Variants in ARHGAP24 observed in about 807,000 individuals in gnomAD.
ARHGAP24 encodes the protein Rho GTPase activating protein 24, also known as rho GTPase-activating protein 24.
In ARHGAP24, 50 loss-of-function variants were observed where a neutral mutation model predicts 76.4. That is an observed-to-expected ratio of 0.65 (90% confidence interval 0.52 to 0.83). The LOEUF is 0.83. Among genes scored for constraint, ARHGAP24 ranks in the 40% least tolerant of loss-of-function variants. ARHGAP24 has a pLI of 0.00. For missense variants in ARHGAP24, 930 were observed against 914.2 expected (o/e 1.02, Z -0.22); for synonymous variants, 345 against 323.3 (o/e 1.07, Z -0.72).
chr4:85,628,253 T>A (rs1230959563), intron 2 of ARHGAP24, among the ~76,000 whole-genome samples: 1 of 152,178 alleles, frequency 6.6e-6, no homozygotes, highest in African/African-American at 2.4e-5. Flanking sequence ...TATTGATTGT[T>A]CAGGAGCATG....
At chr4:85,800,112 G>A (rs1728516254) in intron 3 of ARHGAP24, among the ~76,000 whole-genome samples, 1 of 152,192 alleles carries the variant, frequency 6.6e-6, no homozygotes, top group Non-Finnish European at 1.5e-5. Flanking sequence ...TTATAATACT[G>A]TACCAAAATT....
intron 3 of ARHGAP24, among the ~76,000 whole-genome samples, chr4:85,761,279 C>T (rs922221944): frequency 6.6e-6 from 1 of 152,156 alleles, no homozygotes; most frequent in African/African-American, 2.4e-5. Flanking sequence ...ATCAGTGCAG[C>T]CAAGATATTT....
intron 1 of ARHGAP24, among the ~76,000 whole-genome samples, chr4:85,524,064 G>A (rs1724889453): frequency 6.6e-6 from 1 of 152,008 alleles, no homozygotes; most frequent in African/African-American, 2.4e-5. Flanking sequence ...GTAGTGTTTG[G>A]GAGACTGAAT....
chr4:85,524,504 C>A (rs2110112886), intron 1 of ARHGAP24, among the ~76,000 whole-genome samples: 1 of 152,172 alleles, frequency 6.6e-6, no homozygotes, highest in African/African-American at 2.4e-5. Flanking sequence ...TGACCCATGG[C>A]CATTCAAGAT....
In ARHGAP24 at chr4:85,494,221, C is replaced by T. The variant is rs1184851781; in HGVS notation, c.-21+18662C>T. On this transcript the variant is annotated intron_variant, in intron 1 of 9. Coordinates refer to ENST00000395184, the MANE Select transcript of ARHGAP24 (RefSeq NM_001025616.3). ...CGTGCAGCTTTGTTACATACGTATA[C>T]ATGTGCCATGGTGATTTGCTGCACC... is the stretch of plus-strand genomic sequence containing the variant. 3.3e-5 allele frequency among the ~76,000 whole-genome samples: 5 copies of T among 152,152 alleles called. No individual in the cohort carries two copies. In the East Asian group the frequency reaches 9.7e-4, roughly 29 times the overall value.
chr4:85,641,222 G>A (rs571208453), intron 2 of ARHGAP24, among the ~76,000 whole-genome samples: 4 of 152,078 alleles, frequency 2.6e-5, no homozygotes, highest in Admixed American at 6.5e-5. Flanking sequence ...TCAGCCTTGC[G>A]CGTAGTGGGA....
At chr4:85,928,962 A>G (rs1157621334) in intron 4 of ARHGAP24, among the ~76,000 whole-genome samples, 4 of 152,246 alleles carry the variant, frequency 2.6e-5, no homozygotes. Context: ...CAACGTGGTC[A>G]GGCAACGTGC....
intron 2 of ARHGAP24, among the ~76,000 whole-genome samples, chr4:85,601,863 A>G (rs1328179776): frequency 5.9e-5 from 9 of 152,306 alleles, no homozygotes; most frequent in South Asian, 4.1e-4. Flanking sequence ...ACTATTTTCA[A>G]TAAGACTACT....
intron 8 of ARHGAP24, chr4:85,990,022 C>T (rs1740230022): frequency 1.3e-5 from 2 of 151,658 alleles, no homozygotes. Context: ...TATTCACAGT[C>T]AACATGAACA....
chr4:85,930,241 G>C, intron 4 of ARHGAP24: 4 of 985,454 alleles, frequency 4.1e-6, no homozygotes, highest in Non-Finnish European at 4.8e-6. Flanking sequence ...CTTGGAATGG[G>C]CACTCGACTG....
chr4:85,501,186 T>C lies in ARHGAP24; in HGVS notation c.-21+25627T>C, dbSNP rs983646525. ...TGTGAATAGTGCCACAATAAACATA[T>C]GTGTGCATGTGTCTTTATAGTAGCA... On this transcript the variant is annotated intron_variant, in intron 1 of 9. Transcript: ENST00000395184. Among the ~76,000 whole-genome samples, 8 of 152,328 alleles carry C rather than the reference T, an allele frequency of 5.3e-5. No individual in the cohort carries two copies. In the South Asian group the frequency reaches 8.3e-4, roughly 16 times the overall value.
At chr4:85,974,466 T>G (rs1183591553) in intron 6 of ARHGAP24, among the ~76,000 whole-genome samples, 1 of 152,196 alleles carries the variant, frequency 6.6e-6, no homozygotes, top group African/African-American at 2.4e-5. Flanking sequence ...CCCCAAATGA[T>G]GTATCCTAAA....
chr4:85,784,115 G>A (rs1178220905), intron 3 of ARHGAP24, among the ~76,000 whole-genome samples: 1 of 152,132 alleles, frequency 6.6e-6, no homozygotes, highest in African/African-American at 2.4e-5. Context: ...TGACCTCTCA[G>A]AGGTTGCTCA....
chr4:85,986,456 G>C (rs931394786), intron 8 of ARHGAP24, among the ~76,000 whole-genome samples: 1 of 152,080 alleles, frequency 6.6e-6, no homozygotes, highest in Non-Finnish European at 1.5e-5. Context: ...TGATTCATAA[G>C]AGAAAGAAAA....
intron 4 of ARHGAP24, chr4:85,930,197 C>G: frequency 1.0e-6 from 1 of 963,766 alleles, no homozygotes; most frequent in Non-Finnish European, 1.2e-6. Flanking sequence ...ATGCTCCCTG[C>G]AAAGCTGCCT....
chr4:85,555,196 T>G (rs1726308396), intron 1 of ARHGAP24, among the ~76,000 whole-genome samples: 1 of 152,218 alleles, frequency 6.6e-6, no homozygotes, highest in African/African-American at 2.4e-5. Context: ...AATCAGACAC[T>G]CTGGCTTTTT....
chr4:85,764,080 G>A (rs1726837007), intron 3 of ARHGAP24, among the ~76,000 whole-genome samples: 1 of 151,816 alleles, frequency 6.6e-6, no homozygotes, highest in South Asian at 2.1e-4. Context: ...GTATAATTTA[G>A]CATCACATGT....
At chr4:85,503,944 A>G (rs556410920) in intron 1 of ARHGAP24, among the ~76,000 whole-genome samples, 1 of 152,308 alleles carries the variant, frequency 6.6e-6, no homozygotes, top group East Asian at 1.9e-4. Flanking sequence ...TTCAAAGAAC[A>G]TCTTTATTTC....
At chr4:85,849,549 G>C (rs1397167891) in intron 3 of ARHGAP24, among the ~76,000 whole-genome samples, 2 of 152,182 alleles carry the variant, frequency 1.3e-5, no homozygotes, top group Non-Finnish European at 2.9e-5. Context: ...AGTGCTTCCA[G>C]TTTTTGCCCA....
Sources: allele counts gnomAD v4.1 joint callset (sites outside exome capture counted in the v4.1 genomes callset), GRCh38; gene constraint gnomAD v4.1.1; transcripts MANE v1.5; gene names NCBI Gene and HGNC (gene_info 2026-07-23, HGNC 2026-07-21).